Variants in ABCE1 observed in about 807,000 individuals in gnomAD.
ABCE1 encodes ATP-binding cassette sub-family E member 1.
A neutral mutation model predicts 83.4 loss-of-function variants in ABCE1; 22 were observed. That is an observed-to-expected ratio of 0.26 (90% confidence interval 0.19 to 0.38). The LOEUF (loss-of-function observed/expected upper bound fraction) is 0.38. ABCE1 is among the 10% of genes least tolerant of loss of function. The pLI, the probability that ABCE1 is intolerant of heterozygous loss-of-function variation, is 1.00. For missense variants in ABCE1, 330 were observed against 721.9 expected (o/e 0.46, Z 6.22); for synonymous variants, 204 against 233.7 (o/e 0.87, Z 1.16).
intron 1 of ABCE1, among the ~76,000 whole-genome samples, chr4:145,102,203 A>G (rs959457360): frequency 2.6e-5 from 4 of 152,226 alleles, no homozygotes; most frequent in African/African-American, 9.6e-5. Flanking sequence ...GTGAAGAACA[A>G]TGATGGCTCG....
rs1371970409 is a variant in ABCE1 at position 145,129,413 on chromosome 4, T to C, written c.*1840T>C. Among the ~76,000 whole-genome samples, 1 of 152,040 alleles carries C rather than the reference T, an allele frequency of 6.6e-6. No homozygotes were observed. Among genetic ancestry groups the C allele is most frequent in the Admixed American group, 6.6e-5 (1 of 15,262 alleles). Reference sequence around the variant, plus strand: ...AATGAGACTACTTCATATGTCCTAATTGGAAAAAGTCTCAAATACTTAAAA... The same window carrying C: ...AATGAGACTACTTCATATGTCCTAACTGGAAAAAGTCTCAAATACTTAAAA... On this transcript the variant is annotated 3_prime_UTR_variant, in exon 18 of 18. Coordinates refer to ENST00000296577, the MANE Select transcript of ABCE1 (RefSeq NM_002940.3).
intron 1 of ABCE1, among the ~76,000 whole-genome samples, chr4:145,100,319 G>A (rs1749108659): frequency 6.6e-6 from 1 of 152,164 alleles, no homozygotes; most frequent in African/African-American, 2.4e-5. Context: ...ACTGCCCTCA[G>A]CCAGGACACC....
chr4:145,105,511 T>A lies in ABCE1; in HGVS notation c.104-94T>A, dbSNP rs758351345. ...CTTTGTTTTTGAAAATCTGCTTCTG[T>A]ATGGAAATTTAGAACCAGCATTGCC... On this transcript the variant is annotated intron_variant, in intron 2 of 17. Coordinates refer to ENST00000296577, the MANE Select transcript of ABCE1 (RefSeq NM_002940.3). 1.2e-5 allele frequency: 10 copies of A among 800,980 alleles called. No homozygotes were observed. The South Asian group carries it at 1.8e-4, about 15-fold the overall frequency. The allele number at this position is 800,980 out of a possible 1,614,324, so 49.6% of individuals were successfully genotyped here.
intron 11 of ABCE1, 64 bp downstream of exon 11, chr4:145,120,217 GT>G (rs1749706966): frequency 7.1e-7 from 1 of 1,414,498 alleles, no homozygotes; most frequent in East Asian, 2.3e-5. Flanking sequence ...AGTTTTAACT[GT>G]TTTGTGGAAA....
At chr4:145,110,803 G>T in intron 7 of ABCE1, 165 bp from the exon 8 acceptor site, 1 of 575,854 alleles carries the variant, frequency 1.7e-6, no homozygotes. Flanking sequence ...CTTAAGTGAT[G>T]AAAGTACACA....
intron 6 of ABCE1, 44 bp downstream of exon 6, chr4:145,110,284 A>G: frequency 6.3e-7 from 1 of 1,599,386 alleles, no homozygotes; most frequent in Non-Finnish European, 8.5e-7. Context: ...TAGTAGAAGT[A>G]TAAAAGATAT....
chr4:145,111,629 A>G (rs776176772), intron 8 of ABCE1, among the ~76,000 whole-genome samples: 10 of 152,094 alleles, frequency 6.6e-5, no homozygotes, highest in Non-Finnish European at 1.3e-4. Context: ...GCCTGGCCTA[A>G]GCCCTGTTTT....
Position 145,112,210 on chromosome 4 carries a change from T to C in ABCE1, c.711-29T>C, listed in dbSNP as rs746698588. ...TAGAATGTCTTGTCTTTCAAACTTA[T>C]ATTTGCTTTTTTTTTTTTTTTTTCA... On this transcript the variant is annotated intron_variant, in intron 8 of 17. Coordinates refer to ENST00000296577, the MANE Select transcript of ABCE1 (RefSeq NM_002940.3). 1.9e-5 allele frequency: 28 copies of C among 1,439,896 alleles called. No homozygotes were observed. In the Admixed American group the frequency reaches 2.1e-4, roughly 11 times the overall value. 89.2% of individuals were successfully genotyped at this position (1,439,896 alleles called of 1,614,324 possible).
At chr4:145,114,944 C>T (rs1749573681) in intron 9 of ABCE1, among the ~76,000 whole-genome samples, 1 of 151,746 alleles carries the variant, frequency 6.6e-6, no homozygotes, top group African/African-American at 2.4e-5. Context: ...TCTTTAATGC[C>T]ATAAAAAGAT....
At position 145,127,512 on chromosome 4, in the gene ABCE1, G is replaced by A; in HGVS notation, c.1753-14G>A. The A allele has an allele frequency of 9.5e-6, 15 of 1,580,956 alleles. No homozygotes were observed. Among genetic ancestry groups the A allele is most frequent in the African/African-American group, 1.4e-5 (1 of 72,492 alleles). On this transcript the variant is annotated splice_polypyrimidine_tract_variant and intron_variant, in intron 17 of 17. Coordinates refer to ENST00000296577, the MANE Select transcript of ABCE1 (RefSeq NM_002940.3). Reference sequence around the variant, plus strand: ...CGTGTTGCTGATTTTTGTGGCTTCTGTTTTCTTTTTTAGGATGTAGAACAA... The same window carrying A: ...CGTGTTGCTGATTTTTGTGGCTTCTATTTTCTTTTTTAGGATGTAGAACAA...
In ABCE1 at chr4:145,121,223, T is replaced by G; in HGVS notation, c.1194T>G (p.Pro398=). 1 of 1,613,816 alleles carries G rather than the reference T, an allele frequency of 6.2e-7. No individual in the cohort carries two copies. The highest frequency in any genetic ancestry group is 1.1e-5 in the South Asian group (1 of 91,082). The change falls in exon 12 of 18, where the codon CCT becomes CCG. Residue 398 remains proline (P), a synonymous_variant. Coordinates refer to ENST00000296577, the MANE Select transcript of ABCE1 (RefSeq NM_002940.3). ...GAATGCTTGCTGGAAGACTTAAACC[T>G]GATGAAGGAGGTACATTTGTAACTG... ...FIRMLAGRLK[P]DEGGEVPVLN...
In ABCE1 at chr4:145,123,362, A is replaced by G; in HGVS notation, c.1517+5A>G. ...GGCAGCTCGAGTTGTCAAACGGTAA[A>G]TATCTTGCTCCTAGCCATATTTTGA... On this transcript the variant is annotated splice_donor_5th_base_variant and intron_variant, in intron 15 of 17. Coordinates refer to ENST00000296577, the MANE Select transcript of ABCE1 (RefSeq NM_002940.3). The G allele has an allele frequency of 6.2e-7, 1 of 1,602,388 alleles. No homozygotes were observed. The highest frequency in any genetic ancestry group is 2.2e-5 in the East Asian group (1 of 44,700).
chr4:145,112,438 G>C, intron 9 of ABCE1, 110 bp downstream of exon 9: 1 of 788,746 alleles, frequency 1.3e-6, no homozygotes, highest in South Asian at 1.8e-5. Context: ...TTTTATCTTG[G>C]TTGTTTATAG....
intron 1 of ABCE1, among the ~76,000 whole-genome samples, chr4:145,099,112 C>G (rs1213913013): frequency 6.6e-6 from 1 of 152,168 alleles, no homozygotes; most frequent in African/African-American, 2.4e-5. Flanking sequence ...ATCTAATACT[C>G]ATTGAGATCA....
chr4:145,115,597 T>G (rs1229007390), intron 9 of ABCE1, among the ~76,000 whole-genome samples: 1 of 151,902 alleles, frequency 6.6e-6, no homozygotes, highest in Non-Finnish European at 1.5e-5. Flanking sequence ...TCCCTTACTC[T>G]AGAATTGTGC....
At chr4:145,119,595 C>A (rs1749687318) in intron 10 of ABCE1, among the ~76,000 whole-genome samples, 1 of 151,724 alleles carries the variant, frequency 6.6e-6, no homozygotes, top group Non-Finnish European at 1.5e-5. Context: ...TTACATCAAT[C>A]TGAAAATACT....
At chr4:145,101,184 G>A (rs1749145946) in intron 1 of ABCE1, among the ~76,000 whole-genome samples, 1 of 152,134 alleles carries the variant, frequency 6.6e-6, no homozygotes, top group Non-Finnish European at 1.5e-5. Flanking sequence ...TGTATATTGT[G>A]GTAGTGTAGT....
At chr4:145,107,560 C>T (rs1560958068) in intron 3 of ABCE1, among the ~76,000 whole-genome samples, 1 of 152,200 alleles carries the variant, frequency 6.6e-6, no homozygotes, top group East Asian at 1.9e-4. Context: ...TAGGATTATA[C>T]CCAACACTAA....
At chr4:145,110,323 T>C in intron 6 of ABCE1, 52 bp from the exon 7 acceptor site, 1 of 1,601,204 alleles carries the variant, frequency 6.2e-7, no homozygotes, top group South Asian at 1.1e-5. Context: ...TACTTTGTGA[T>C]TCTTTTTAAT....
Sources: gnomAD v4.1 joint callset for allele counts (sites outside exome capture counted in the v4.1 genomes callset) on GRCh38, gnomAD v4.1.1 for gene constraint, MANE v1.5 for transcripts, NCBI Gene and HGNC (gene_info 2026-07-23, HGNC 2026-07-21) for gene names.